SUSD5: variants seen among roughly 807,000 people sequenced by gnomAD.
SUSD5 encodes sushi domain containing 5, also known as sushi domain-containing protein 5.
In SUSD5, 33 loss-of-function variants were observed where a neutral mutation model predicts 29.5. The ratio of observed to expected loss-of-function variants is 1.12; its 90% CI spans 0.85 to 1.49. The LOEUF is 1.49. SUSD5 is among the 40% of genes most tolerant of loss of function. The pLI, the probability that SUSD5 is intolerant of heterozygous loss-of-function variation, is 0.00. For missense variants in SUSD5, 776 were observed against 800.6 expected (o/e 0.97, Z 0.37); for synonymous variants, 308 against 325.3 (o/e 0.95, Z 0.57).
In SUSD5 at chr3:33,204,837, A is replaced by T. The variant is rs1264496228; in HGVS notation, c.409+2971T>A. Among the ~76,000 whole-genome samples the T allele has an allele frequency of 6.6e-6, 1 of 152,112 alleles. No homozygotes were observed. The highest frequency in any genetic ancestry group is 2.4e-5 in the African/African-American group (1 of 41,428). On this transcript the variant is annotated intron_variant, in intron 3 of 4. Transcript: ENST00000309558. The surrounding 1 kb of genome is among the most constrained non-coding windows in gnomAD (Gnocchi z 4.5). ...TACAGCCTGAGCTTTTTGAGATTTTAAAATTTTATATAATTTCAAAGTTAC... is the reference window on the plus strand; with the variant it reads ...TACAGCCTGAGCTTTTTGAGATTTTTAAATTTTATATAATTTCAAAGTTAC...
intron 2 of SUSD5, among the ~76,000 whole-genome samples, chr3:33,213,242 T>A (rs1308658606): frequency 6.6e-6 from 1 of 151,504 alleles, no homozygotes; most frequent in Non-Finnish European, 1.5e-5. Context: ...ATTTTTTACC[T>A]CTATAAAAAA....
rs1281714884 is a variant in SUSD5, at chr3:33,154,025, C to T, written c.607G>A (p.Glu203Lys). The change falls in exon 5 of 5, where the codon GAG (glutamate) becomes AAG (lysine). Residue 203 changes from glutamate to lysine, a missense_variant. Transcript: ENST00000309558. ...TTATCTTCATAGTCAATGTGTGCCT[C>T]AGCCTCATCTGGAAGAAAAGAGGGA... ...LVQACGKDEA[E>K]AHIDYEDNFP... 1.3e-6 allele frequency: 2 copies of T among 1,584,692 alleles called. No individual in the cohort carries two copies. The highest frequency in any genetic ancestry group is 1.7e-6 in the Non-Finnish European group (2 of 1,168,176).
At chr3:33,195,193 T>C (rs893679008) in intron 3 of SUSD5, among the ~76,000 whole-genome samples, 1 of 152,202 alleles carries the variant, frequency 6.6e-6, no homozygotes, top group Non-Finnish European at 1.5e-5. Flanking sequence ...AGACTCTGTC[T>C]CAAAACAAAC....
intron 3 of SUSD5, among the ~76,000 whole-genome samples, chr3:33,207,170 C>G (rs2032237916): frequency 6.6e-6 from 1 of 152,184 alleles, no homozygotes; most frequent in African/African-American, 2.4e-5. Flanking sequence ...GAGCAGTTCC[C>G]TAAATCTTAT....
intron 4 of SUSD5, among the ~76,000 whole-genome samples, chr3:33,154,613 C>A (rs1355890848): frequency 6.6e-6 from 1 of 151,942 alleles, no homozygotes; most frequent in Non-Finnish European, 1.5e-5. Flanking sequence ...ATATAAACAT[C>A]AATTGTATTT....
Position 33,153,433 on chromosome 3 carries a change from C to T in SUSD5, c.1199G>A (p.Gly400Glu), listed in dbSNP as rs754124134. ...EDGDRGDGSVGLDENVLVTPD... is the reference protein window; with the variant it reads ...EDGDRGDGSVELDENVLVTPD... ...AGTAACTAGGACGTTTTCATCCAGC[C>T]CTACTGACCCATCCCCTCTGTCCCC... Residue 400 changes from glycine (G) to glutamate (E), a missense_variant, in exon 5 of 5, where the codon GGG becomes GAG. Coordinates refer to ENST00000309558, the MANE Select transcript of SUSD5 (RefSeq NM_015551.2). 22 of 1,613,894 alleles carry T rather than the reference C, an allele frequency of 1.4e-5. No homozygotes were observed. Among genetic ancestry groups the T allele is most frequent in the Non-Finnish European group, 1.8e-5 (21 of 1,179,920 alleles).
intron 4 of SUSD5, among the ~76,000 whole-genome samples, chr3:33,169,059 C>T (rs756174216): frequency 7.5e-6 from 1 of 133,326 alleles, no homozygotes; most frequent in Non-Finnish European, 1.6e-5. Flanking sequence ...TGGTACTCGA[C>T]ATTTCTACGG....
intron 3 of SUSD5, among the ~76,000 whole-genome samples, chr3:33,198,857 AAGAG>A (rs767986949): frequency 2.0e-5 from 3 of 152,160 alleles, no homozygotes; most frequent in African/African-American, 7.2e-5. Flanking sequence ...ACTTGGGGGA[AAGAG>A]AGTTAGGAAG....
Position 33,207,832 on chromosome 3 carries a change from T to C in SUSD5, c.385A>G (p.Ser129Gly), listed in dbSNP as rs1475103673. Reference sequence around the variant, plus strand: ...CCTTCATCCTTAATACAAAGGGCACTGTATGTGCCACCAGGAACTGGGTTG... The same window carrying C: ...CCTTCATCCTTAATACAAAGGGCACCGTATGTGCCACCAGGAACTGGGTTG... ...ESNPVPGGTY[S>G]ALCIKDEEKP... Residue 129 changes from serine to glycine, a missense_variant, in exon 3 of 5, where the codon AGT becomes GGT. By Grantham distance (56) the Ser-to-Gly change is moderately conservative. Coordinates refer to ENST00000309558, the MANE Select transcript of SUSD5 (RefSeq NM_015551.2). 1.2e-6 allele frequency: 2 copies of C among 1,612,796 alleles called. No homozygotes were observed.
intron 1 of SUSD5, among the ~76,000 whole-genome samples, chr3:33,214,495 T>A (rs1390582589): frequency 2.0e-5 from 3 of 152,120 alleles, no homozygotes; most frequent in African/African-American, 7.2e-5. Context: ...AGCTCTGCTT[T>A]CTTCTGCCTC....
At chr3:33,164,209 G>C (rs2031256747) in intron 4 of SUSD5, among the ~76,000 whole-genome samples, 1 of 152,038 alleles carries the variant, frequency 6.6e-6, no homozygotes, top group African/African-American at 2.4e-5. Context: ...TAGATATATA[G>C]TTTCCTTTAT....
chr3:33,189,016 A>G (rs1206527234), intron 3 of SUSD5, among the ~76,000 whole-genome samples: 1 of 152,196 alleles, frequency 6.6e-6, no homozygotes, highest in Non-Finnish European at 1.5e-5. Context: ...GTGATTTCCA[A>G]CTTGTAGGGA....
rs192603117 is a variant in SUSD5, at chr3:33,157,917, C to T, written c.599-3884G>A. On this transcript the variant is annotated intron_variant, in intron 4 of 4. Coordinates refer to ENST00000309558, the MANE Select transcript of SUSD5 (RefSeq NM_015551.2). ...GAGCAGAATAAATTGTTGTTTCATG[C>T]CACTAAGTTTTTGGGGATGGTCTAT... Among the ~76,000 whole-genome samples, 4 of 152,360 alleles carry T rather than the reference C, an allele frequency of 2.6e-5. No homozygotes were observed. The East Asian group carries it at 7.7e-4, about 29-fold the overall frequency.
rs9848044 is a variant in SUSD5 at position 33,204,367 on chromosome 3, G to C, written c.409+3441C>G. On this transcript the variant is annotated intron_variant, in intron 3 of 4. Transcript: ENST00000309558. This position sits in a 1 kb window ranked among gnomAD's most constrained non-coding sequence, Gnocchi z 4.5. The stretch of plus-strand genomic sequence containing the variant: ...AGACAGTCTTGTTCTGTCACCCAGG[G>C]TGGAGTGCAGTGGTGCGATCTCGGC... Among the ~76,000 whole-genome samples, 108,590 of 151,642 alleles carry C rather than the reference G, an allele frequency of 0.72. 38,992 individuals are homozygous for C. The highest frequency in any genetic ancestry group is 0.83 in the East Asian group (4,253 of 5,098).
rs560605205 is a variant in SUSD5, at chr3:33,195,429, A to G, written c.409+12379T>C. ...AAACTGCTGGGGGATGGAGGTGGGAATGGCTGTTGTGCAGGTAATTGACAA... is the reference window on the plus strand; with the variant it reads ...AAACTGCTGGGGGATGGAGGTGGGAGTGGCTGTTGTGCAGGTAATTGACAA... On this transcript the variant is annotated intron_variant, in intron 3 of 4. Coordinates refer to ENST00000309558, the MANE Select transcript of SUSD5 (RefSeq NM_015551.2). Among the ~76,000 whole-genome samples the G allele has an allele frequency of 6.6e-5, 10 of 152,300 alleles. No homozygotes were observed. The South Asian group carries it at 2.1e-3, about 32-fold the overall frequency.
At chr3:33,192,783 C>CTCCA (rs1271063502) in intron 3 of SUSD5, among the ~76,000 whole-genome samples, 1 of 151,644 alleles carries the variant, frequency 6.6e-6, no homozygotes, top group Non-Finnish European at 1.5e-5. Context: ...CACCAATGCA[C>CTCCA]TCCAGCCTGG....
At chr3:33,208,017 CA>C (rs2032255250) in intron 2 of SUSD5, 91 bp from the exon 3 acceptor site, 1 of 934,896 alleles carries the variant, frequency 1.1e-6, no homozygotes, top group African/African-American at 1.6e-5. Flanking sequence ...TCCGAATCAG[CA>C]GAGATTTTTC....
chr3:33,181,113 TA>T (rs1272356504), intron 3 of SUSD5, among the ~76,000 whole-genome samples: 1 of 151,914 alleles, frequency 6.6e-6, no homozygotes, highest in East Asian at 1.9e-4. Context: ...CAACAAGTTT[TA>T]AAAAATTAAA....
rs535343637 is a variant in SUSD5 at position 33,170,223 on chromosome 3, C to G, written c.598+4663G>C. 1.6e-4 allele frequency among the ~76,000 whole-genome samples: 24 copies of G among 152,204 alleles called. No individual in the cohort carries two copies. The South Asian group carries it at 2.5e-3, about 16-fold the overall frequency. ...CATGAGCCACCGCGCCCGGCCGCATCAGGACTTTTCTGTAATTAGGGCAAC... is the reference window on the plus strand; with the variant it reads ...CATGAGCCACCGCGCCCGGCCGCATGAGGACTTTTCTGTAATTAGGGCAAC... On this transcript the variant is annotated intron_variant, in intron 4 of 4. Transcript: ENST00000309558.
Sources: allele counts gnomAD v4.1 joint callset (sites outside exome capture counted in the v4.1 genomes callset), GRCh38; gene constraint gnomAD v4.1.1; non-coding constraint Gnocchi (gnomAD v3.1); transcripts MANE v1.5; gene names NCBI Gene and HGNC (gene_info 2026-07-23, HGNC 2026-07-21).